Variants in OCA2 observed in about 807,000 individuals in gnomAD.
The protein encoded by OCA2 is P protein.
OCA2 carries 77 observed loss-of-function variants against 100.2 expected under a neutral mutation model. The ratio of observed to expected loss-of-function variants is 0.77; its 90% CI spans 0.64 to 0.93. The LOEUF is 0.93. Among genes scored for constraint, OCA2 ranks in the 40% least tolerant of loss-of-function variants. The probability of loss-of-function intolerance (pLI) is 0.00; values close to 1 mark genes in which losing one functional copy is unlikely to be tolerated. For synonymous variants in OCA2, 432 were observed against 439.2 expected, an observed-to-expected ratio of 0.98 and a Z score of 0.21; for missense variants, 1,062 against 1,089.1, an observed-to-expected ratio of 0.98 and a Z score of 0.35.
At chr15:27,738,473 T>G in the OCA2 span, among the ~76,000 whole-genome samples, 10 of 152,040 alleles carry the variant, frequency 6.6e-5, no homozygotes, top group Non-Finnish European at 1.3e-4. Flanking sequence ...CGGTGGCTCA[T>G]GCCTGTAATC....
intron 23 of OCA2, among the ~76,000 whole-genome samples, chr15:27,806,574 C>T (rs1395149457): frequency 6.6e-6 from 1 of 152,212 alleles, no homozygotes; most frequent in African/African-American, 2.4e-5. Context: ...CCTAGCGGCC[C>T]CGCTCCACCC....
the OCA2 span, among the ~76,000 whole-genome samples, chr15:27,740,133 T>C: frequency 3.3e-4 from 50 of 152,316 alleles, no homozygotes; most frequent in Non-Finnish European, 4.7e-4. Flanking sequence ...TCTGCTTCCA[T>C]AGACGTGACT....
chr15:27,785,784 T>C (rs2032785083), intron 23 of OCA2, among the ~76,000 whole-genome samples: 2 of 152,168 alleles, frequency 1.3e-5, no homozygotes, highest in South Asian at 4.1e-4. Context: ...AACAGATCAT[T>C]GTACACCCAT....
At chr15:27,823,168 T>C (rs891664338) in intron 23 of OCA2, among the ~76,000 whole-genome samples, 1 of 152,226 alleles carries the variant, frequency 6.6e-6, no homozygotes, top group African/African-American at 2.4e-5. Flanking sequence ...CCTTATACGT[T>C]TGAGCCTGTT....
intron 19 of OCA2, among the ~76,000 whole-genome samples, chr15:27,880,742 C>A (rs1011887218): frequency 1.3e-5 from 2 of 152,142 alleles, no homozygotes; most frequent in African/African-American, 4.8e-5. Flanking sequence ...TGTTTATCAG[C>A]TAAAGGAGCT....
intron 23 of OCA2, among the ~76,000 whole-genome samples, chr15:27,758,941 C>A (rs1361567240): frequency 6.6e-6 from 1 of 152,160 alleles, no homozygotes; most frequent in Admixed American, 6.5e-5. Flanking sequence ...AAGATATAAA[C>A]CTAGAGATTT....
intron 19 of OCA2, among the ~76,000 whole-genome samples, chr15:27,916,470 A>C (rs1048176438): frequency 2.6e-5 from 4 of 152,202 alleles, no homozygotes; most frequent in African/African-American, 9.6e-5. Context: ...TCATCCAGAA[A>C]TTTTTAAACA....
chr15:27,969,061 C>T (rs2040680736), intron 14 of OCA2, among the ~76,000 whole-genome samples: 1 of 151,024 alleles, frequency 6.6e-6, no homozygotes, highest in Non-Finnish European at 1.5e-5. Flanking sequence ...TATACACTAG[C>T]TGGGTCATGA....
intron 19 of OCA2, among the ~76,000 whole-genome samples, chr15:27,907,517 T>A (rs990464743): frequency 6.6e-6 from 1 of 151,862 alleles, no homozygotes; most frequent in Admixed American, 6.6e-5. Flanking sequence ...AAAGCAGAAA[T>A]TAATGACATG....
chr15:27,890,598 T>C (rs1484510112), intron 19 of OCA2, among the ~76,000 whole-genome samples: 1 of 152,220 alleles, frequency 6.6e-6, no homozygotes. Context: ...CCATACATTC[T>C]ATATCCAGTG....
In OCA2 at chr15:28,027,871, C is replaced by G. The variant is rs762091768; in HGVS notation, c.515G>C (p.Arg172Thr). 8.7e-6 allele frequency: 14 copies of G among 1,612,574 alleles called. No individual in the cohort carries two copies. The highest frequency in any genetic ancestry group is 1.2e-5 in the Non-Finnish European group (14 of 1,180,026). ...GGGTGGGCACCCCAAGTCCGCCTAC[C>G]TCAGCTTGGAAAGACGGAGTCGGAT... ...PHIRLRLSKL[R>T]RCVQWLKVMG... Residue 172 changes from arginine to threonine, a missense_variant and splice_region_variant, in exon 4 of 24, where the codon AGG becomes ACG. Physicochemically the swap from Arg to Thr is moderately conservative, Grantham distance 71 (BLOSUM62 -1). Coordinates refer to ENST00000354638, the MANE Select transcript of OCA2 (RefSeq NM_000275.3).
chr15:27,835,715 T>C (rs577488552), intron 23 of OCA2, among the ~76,000 whole-genome samples: 1 of 152,308 alleles, frequency 6.6e-6, no homozygotes, highest in African/African-American at 2.4e-5. Context: ...TGATATGCAA[T>C]GGCGTTGGCC....
chr15:27,925,410 G>T (rs1357065107), intron 19 of OCA2, among the ~76,000 whole-genome samples: 1 of 152,130 alleles, frequency 6.6e-6, no homozygotes, highest in Non-Finnish European at 1.5e-5. Context: ...TAAATTAAAA[G>T]TCAAAAACAT....
intron 21 of OCA2, among the ~76,000 whole-genome samples, chr15:27,854,225 G>C (rs1411945848): frequency 2.0e-5 from 3 of 152,234 alleles, no homozygotes; most frequent in African/African-American, 7.2e-5. Context: ...AGAAGATGGA[G>C]CCTGGGCACT....
chr15:27,891,744 C>A (rs2037470266), intron 19 of OCA2, among the ~76,000 whole-genome samples: 2 of 152,066 alleles, frequency 1.3e-5, no homozygotes, highest in Admixed American at 6.5e-5. Context: ...TATGAAAGAG[C>A]AACTTTAATT....
At chr15:27,982,328 A>G (rs531196716) in intron 14 of OCA2, among the ~76,000 whole-genome samples, 46 of 152,232 alleles carry the variant, frequency 3.0e-4, no homozygotes, top group Non-Finnish European at 5.6e-4. Flanking sequence ...AATGAAACTA[A>G]CAATACAATT....
chr15:27,773,453 T>A, intron 23 of OCA2, among the ~76,000 whole-genome samples: 1 of 152,364 alleles, frequency 6.6e-6, no homozygotes, highest in South Asian at 2.1e-4. Context: ...TTATATTTGT[T>A]AAATTCTTAT....
intron 2 of OCA2, among the ~76,000 whole-genome samples, chr15:28,068,558 T>G (rs1346613160): frequency 6.6e-6 from 1 of 152,050 alleles, no homozygotes; most frequent in Admixed American, 6.5e-5. Context: ...TTCCAAAAAA[T>G]CAAGAAGGAG....
At chr15:27,745,715 C>A in the OCA2 span, among the ~76,000 whole-genome samples, 1 of 152,222 alleles carries the variant, frequency 6.6e-6, no homozygotes, top group Non-Finnish European at 1.5e-5. Flanking sequence ...AACTAAGATT[C>A]TGGCACCTTT....
Sources: allele counts gnomAD v4.1 joint callset (sites outside exome capture counted in the v4.1 genomes callset), GRCh38; gene constraint gnomAD v4.1.1; transcripts MANE v1.5; gene names NCBI Gene and HGNC (gene_info 2026-07-23, HGNC 2026-07-21).